The following NPY2R variants were observed in gnomAD, a reference collection of about 807,000 sequenced individuals.
The protein encoded by NPY2R is neuropeptide Y receptor Y2.
In NPY2R, 17 loss-of-function variants were observed where a neutral mutation model predicts 22.3. That is an observed-to-expected ratio of 0.76 (90% CI 0.52 to 1.14). The LOEUF is 1.14. Among genes scored for constraint, NPY2R ranks in the 50% most tolerant of loss-of-function variants. The pLI, the probability that NPY2R is intolerant of heterozygous loss-of-function variation, is 0.00. For missense variants in NPY2R, 424 were observed against 467.9 expected, an observed-to-expected ratio of 0.91 and a Z score of 0.87; for synonymous variants, 209 against 183.4, an observed-to-expected ratio of 1.14 and a Z score of -1.13.
intron 1 of NPY2R, among the ~76,000 whole-genome samples, chr4:155,210,117 C>A (rs1729373562): frequency 6.6e-6 from 1 of 152,030 alleles, no homozygotes; most frequent in Admixed American, 6.5e-5. Context: ...AAGGTTATTC[C>A]CTTGTCTGCT....
chr4:155,194,534 A>G, the NPY2R span, among the ~76,000 whole-genome samples: 1 of 152,008 alleles, frequency 6.6e-6, no homozygotes, highest in Non-Finnish European at 1.5e-5. Flanking sequence ...TTTACTTAGG[A>G]TAATGGACTC....
At chr4:155,208,050 C>T (rs1303652641), upstream of NPY2R, 1 of 152,244 alleles carries the variant, frequency 6.6e-6, no homozygotes, top group Admixed American at 6.5e-5. The surrounding 1 kb of genome is among the most constrained non-coding windows in gnomAD (Gnocchi z 5.6). Context: ...ACAGGGACCG[C>T]CCAGCTAGAG....
At chr4:155,179,970 T>C in the NPY2R span, among the ~76,000 whole-genome samples, 37 of 151,698 alleles carry the variant, frequency 2.4e-4, no homozygotes, top group African/African-American at 9.0e-4. Context: ...CTATACTTTC[T>C]ATTGTCTAGT....
the NPY2R span, among the ~76,000 whole-genome samples, chr4:155,194,935 G>A: frequency 2.0e-5 from 3 of 152,006 alleles, no homozygotes; most frequent in South Asian, 6.2e-4. Flanking sequence ...ATTCTGACTG[G>A]TGTGAGATGG....
At chr4:155,190,592 A>T in the NPY2R span, among the ~76,000 whole-genome samples, 1 of 151,990 alleles carries the variant, frequency 6.6e-6, no homozygotes, top group African/African-American at 2.4e-5. Flanking sequence ...GTTTTAAATT[A>T]AATACTTGAA....
the NPY2R span, among the ~76,000 whole-genome samples, chr4:155,197,862 A>T: frequency 6.6e-6 from 1 of 151,970 alleles, no homozygotes; most frequent in Non-Finnish European, 1.5e-5. Flanking sequence ...TAAATTGAAA[A>T]AATTGTATTA....
At position 155,214,066 on chromosome 4, in the gene NPY2R, A is replaced by G; in HGVS notation, c.127A>G (p.Ser43Gly). Residue 43 changes from serine (S) to glycine (G), a missense_variant, in exon 2 of 2, where the codon AGT becomes GGT. Transcript: ENST00000329476. ...TGACCCTGAGCCAGAGCTTATAGATAGTACCAAGCTGATTGAGGTACAAGT... is the reference window on the plus strand; with the variant it reads ...TGACCCTGAGCCAGAGCTTATAGATGGTACCAAGCTGATTGAGGTACAAGT... ...VPDPEPELID[S>G]TKLIEVQVVL... 6.2e-7 allele frequency: 1 copy of G among 1,614,010 alleles called. No homozygotes were observed. Among genetic ancestry groups the G allele is most frequent in the Non-Finnish European group, 8.5e-7 (1 of 1,179,864 alleles).
chr4:155,199,254 G>GAACA, the NPY2R span, among the ~76,000 whole-genome samples: 2 of 151,732 alleles, frequency 1.3e-5, no homozygotes, highest in Non-Finnish European at 3.0e-5. Context: ...TGTGTGTATT[G>GAACA]AACAAACAAA....
chr4:155,209,582 C>G (rs1729359188), intron 1 of NPY2R, among the ~76,000 whole-genome samples: 1 of 152,148 alleles, frequency 6.6e-6, no homozygotes, highest in Non-Finnish European at 1.5e-5. Context: ...ATGCTGTTTC[C>G]AAAGAAAGGC....
chr4:155,206,790 A>G (rs1337860535), upstream of NPY2R: 1 of 152,200 alleles, frequency 6.6e-6, no homozygotes, highest in Admixed American at 6.5e-5. Context: ...AAAAGACAAC[A>G]CTCATCTGTT....
chr4:155,189,853 A>G, the NPY2R span, among the ~76,000 whole-genome samples: 13,584 of 151,916 alleles, frequency 0.089, 878 homozygotes, highest in South Asian at 0.28. Flanking sequence ...AAAGCAAAAA[A>G]TCCTTCTGAG....
chr4:155,206,607 G>T (rs1031540231), upstream of NPY2R: 1 of 152,220 alleles, frequency 6.6e-6, no homozygotes, highest in Admixed American at 6.5e-5. Flanking sequence ...CTGACTAGAT[G>T]TCTGTGGAAC....
At chr4:155,203,634 C>T in the NPY2R span, among the ~76,000 whole-genome samples, 7 of 152,070 alleles carry the variant, frequency 4.6e-5, no homozygotes, top group African/African-American at 1.7e-4. Context: ...ATCCATATGA[C>T]CTATTGAGAA....
At chr4:155,174,486 T>TATATA in the NPY2R span, among the ~76,000 whole-genome samples, 5 of 68,678 alleles carry the variant, frequency 7.3e-5, no homozygotes, top group African/African-American at 2.6e-4. Context: ...ATATATATAT[T>TATATA]TTTTTTTTTA....
the NPY2R span, chr4:155,174,280 A>G: frequency 2.0e-5 from 3 of 151,782 alleles, no homozygotes; most frequent in Non-Finnish European, 2.9e-5. Context: ...AAGTGTATAT[A>G]CCAGGTACTG....
chr4:155,184,450 C>A, the NPY2R span, among the ~76,000 whole-genome samples: 2 of 152,194 alleles, frequency 1.3e-5, no homozygotes, highest in African/African-American at 4.8e-5. Flanking sequence ...GAAGCCCATA[C>A]TACCTGTATT....
At chr4:155,209,984 C>A (rs1166289215) in intron 1 of NPY2R, among the ~76,000 whole-genome samples, 1 of 152,112 alleles carries the variant, frequency 6.6e-6, no homozygotes, top group Non-Finnish European at 1.5e-5. Flanking sequence ...TCCTATTCTG[C>A]AAAGAAATGT....
At chr4:155,191,868 G>C in the NPY2R span, among the ~76,000 whole-genome samples, 2 of 151,798 alleles carry the variant, frequency 1.3e-5, no homozygotes, top group Non-Finnish European at 2.9e-5. Context: ...TGGTAAAGTG[G>C]CTGTCACATA....
the NPY2R span, among the ~76,000 whole-genome samples, chr4:155,188,039 G>T: frequency 3.3e-5 from 5 of 152,082 alleles, 1 homozygote; most frequent in African/African-American, 1.2e-4. Flanking sequence ...CAATGCTTCT[G>T]AATATCATTG....
Sources: allele counts gnomAD v4.1 joint callset (sites outside exome capture counted in the v4.1 genomes callset), GRCh38; gene constraint gnomAD v4.1.1; non-coding constraint Gnocchi (gnomAD v3.1); transcripts MANE v1.5; gene names NCBI Gene and HGNC (gene_info 2026-07-23, HGNC 2026-07-21).